Variants in ENO2 observed in about 807,000 individuals in gnomAD.
The protein encoded by ENO2 is gamma-enolase.
In ENO2, 19 loss-of-function variants were observed where a neutral mutation model predicts 48.7. The observed-to-expected ratio is 0.39, with a 90% CI of 0.27 to 0.57. The LOEUF (loss-of-function observed/expected upper bound fraction) is 0.57, where lower values mean the gene tolerates loss of function less well. Ranked by LOEUF, ENO2 falls within the 20% of genes least tolerant of loss-of-function variation. The pLI, the probability that ENO2 is intolerant of heterozygous loss-of-function variation, is 0.58. For synonymous variants in ENO2, 198 were observed against 213.4 expected, an observed-to-expected ratio of 0.93 and a Z score of 0.63; for missense variants, 416 against 555.0, an observed-to-expected ratio of 0.75 and a Z score of 2.52.
At chr12:6,917,767 A>C in intron 6 of ENO2, 53 bp downstream of exon 6, 1 of 1,570,024 alleles carries the variant, frequency 6.4e-7, no homozygotes, top group East Asian at 2.2e-5. Flanking sequence ...GGGAGGGAGC[A>C]TGCAACTCAT....
In ENO2 at chr12:6,921,676, A is replaced by G. The variant is rs781878070; in HGVS notation, c.961A>G (p.Thr321Ala). Residue 321 changes from threonine to alanine, a missense_variant, in exon 9 of 12, where the codon ACA becomes GCA. By Grantham distance (58) the Thr-to-Ala change is moderately conservative. Coordinates refer to ENST00000229277, the MANE Select transcript of ENO2 (RefSeq NM_001975.3). ...GATCCAGATTGTGGGTGATGACCTG[A>G]CAGTGACCAACCCAAAACGTATTGA... ...VGIQIVGDDL[T>A]VTNPKRIERA... 1.9e-6 allele frequency: 3 copies of G among 1,614,132 alleles called. No individual in the cohort carries two copies. The highest frequency in any genetic ancestry group is 2.5e-6 in the Non-Finnish European group (3 of 1,180,028).
intron 8 of ENO2, 35 bp downstream of exon 8, chr12:6,919,798 G>C (rs1156905025): frequency 6.2e-7 from 1 of 1,606,090 alleles, no homozygotes; most frequent in Non-Finnish European, 8.5e-7. Context: ...AGGTCTGGGG[G>C]CAGGCAGGGA....
chr12:6,917,781 G>A (rs1477100191), intron 6 of ENO2, 67 bp downstream of exon 6: 3 of 1,600,104 alleles, frequency 1.9e-6, no homozygotes, highest in Non-Finnish European at 2.6e-6. Flanking sequence ...AACTCATGAG[G>A]AATGATGGGA....
Position 6,922,552 on chromosome 12 carries a change from A to T in ENO2, c.1235+150A>T. 10 of 1,292,388 alleles carry T rather than the reference A, an allele frequency of 7.7e-6. No homozygotes were observed. Among genetic ancestry groups the T allele is most frequent in the Non-Finnish European group, 1.1e-5 (10 of 900,026 alleles). 80.1% of individuals were successfully genotyped at this position (1,292,388 alleles called of 1,614,324 possible). On this transcript the variant is annotated intron_variant, in intron 11 of 11. Transcript: ENST00000229277. This position sits in a 1 kb window ranked among gnomAD's most constrained non-coding sequence, Gnocchi z 5.3. ...ATATTGGTTTTTGCTTCCTGGGTTT[A>T]TTGATGGCCTGATTGACAAATCCCA...
At chr12:6,920,549 G>GCA (rs1945331352) in intron 8 of ENO2, among the ~76,000 whole-genome samples, 3 of 151,594 alleles carry the variant, frequency 2.0e-5, no homozygotes, top group South Asian at 2.1e-4. Context: ...ACAGGCATGT[G>GCA]CCACCATGCC....
Position 6,922,999 on chromosome 12 carries a change from T to C in ENO2, c.*199T>C, listed in dbSNP as rs956937360. On this transcript the variant is annotated 3_prime_UTR_variant, in exon 12 of 12. Coordinates refer to ENST00000229277, the MANE Select transcript of ENO2 (RefSeq NM_001975.3). This position sits in a 1 kb window ranked among gnomAD's most constrained non-coding sequence, Gnocchi z 5.3. ...CGCCCTCCTTTCTGTGCCCTACTCA[T>C]TGGGGTTCCGCACTTTCCACTTCTT... 6 of 582,374 alleles carry C rather than the reference T, an allele frequency of 1.0e-5. No homozygotes were observed. Among genetic ancestry groups the C allele is most frequent in the East Asian group, 8.6e-5 (3 of 34,952 alleles). The allele number at this position is 582,374 out of a possible 1,614,324, so 36.1% of individuals were successfully genotyped here.
chr12:6,918,905 C>T (rs1945316336), intron 7 of ENO2, among the ~76,000 whole-genome samples: 1 of 150,944 alleles, frequency 6.6e-6, no homozygotes, highest in Admixed American at 6.6e-5. Flanking sequence ...TCGCTTGTAC[C>T]CGGGAGGCGG....
chr12:6,915,602 A>C (rs1591650702), intron 1 of ENO2: 2 of 506,966 alleles, frequency 3.9e-6, no homozygotes, highest in Admixed American at 3.2e-5. Context: ...CACTGCAGTG[A>C]CCTCCCCTTC....
rs1945272876 is a variant in ENO2, at chr12:6,914,881, C to T, written c.-13+222C>T. ...TGCGCGCCTATCTCTAACTGCGCCT[C>T]TCCACCCTTGCCTGCCTCTCTCCCG... is the stretch of plus-strand genomic sequence containing the variant. On this transcript the variant is annotated intron_variant, in intron 1 of 11. Coordinates refer to ENST00000229277, the MANE Select transcript of ENO2 (RefSeq NM_001975.3). The surrounding 1 kb of genome is among the most constrained non-coding windows in gnomAD (Gnocchi z 7.1). Among the ~76,000 whole-genome samples the T allele has an allele frequency of 6.6e-6, 1 of 152,208 alleles. No homozygotes were observed. Among genetic ancestry groups the T allele is most frequent in the South Asian group, 2.1e-4 (1 of 4,830 alleles).
At chr12:6,918,722 C>T (rs1329865582) in intron 7 of ENO2, among the ~76,000 whole-genome samples, 1 of 150,888 alleles carries the variant, frequency 6.6e-6, no homozygotes, top group Non-Finnish European at 1.5e-5. Context: ...TGGCTCACAC[C>T]TGTAATCCCA....
rs1945349815 is a variant in ENO2, at chr12:6,922,511, AACAGTCCAACAGATAAT to A, written c.1235+111_1235+127del. On this transcript the variant is annotated intron_variant, in intron 11 of 11. Coordinates refer to ENST00000229277, the MANE Select transcript of ENO2 (RefSeq NM_001975.3). The surrounding 1 kb of genome is among the most constrained non-coding windows in gnomAD (Gnocchi z 5.3). Reference sequence around the variant, plus strand: ...CTGGATAACAGTCCATTTCCTGGATAACAGTCCAACAGATAATATTGGTTTTTGCTTCCTGGGTTTAT... The same window carrying A: ...CTGGATAACAGTCCATTTCCTGGATAATTGGTTTTTGCTTCCTGGGTTTAT... 3 of 1,425,996 alleles carry A rather than the reference AACAGTCCAACAGATAAT, an allele frequency of 2.1e-6. No individual in the cohort carries two copies. In the South Asian group the frequency reaches 3.5e-5, roughly 16 times the overall value. The allele number at this position is 1,425,996 out of a possible 1,614,324, so 88.3% of individuals were successfully genotyped here. A position where few individuals can be genotyped will look rare whatever the true frequency, so the allele number is the denominator to read the frequency against.
At position 6,922,828 on chromosome 12, in the gene ENO2, C is replaced by G; in HGVS notation, c.*28C>G. On this transcript the variant is annotated 3_prime_UTR_variant, in exon 12 of 12. Transcript: ENST00000229277. This position sits in a 1 kb window ranked among gnomAD's most constrained non-coding sequence, Gnocchi z 5.3. ...CCTCTGCTTGCCTGGAGACGTGGAA[C>G]CTCTGTCTCATCCTCCTGGAACCTT... The G allele has an allele frequency of 6.2e-7, 1 of 1,611,296 alleles. No individual in the cohort carries two copies. The highest frequency in any genetic ancestry group is 1.3e-5 in the African/African-American group (1 of 74,920).
intron 7 of ENO2, 113 bp downstream of exon 7, chr12:6,918,275 C>A: frequency 9.5e-7 from 1 of 1,057,174 alleles, no homozygotes; most frequent in Non-Finnish European, 1.4e-6. Context: ...TAGGACTCTG[C>A]AAACTCCAAA....
rs782710311 is a variant in ENO2, at chr12:6,919,783, G to T, written c.865+20G>T. On this transcript the variant is annotated intron_variant, in intron 8 of 11. Transcript: ENST00000229277. ...ATCCTGGTGAGAGGAAGTGGTGTGA[G>T]GGGGAGGTCTGGGGGCAGGCAGGGA... The T allele has an allele frequency of 1.9e-6, 3 of 1,610,756 alleles. No homozygotes were observed. The South Asian group carries it at 3.3e-5, about 18-fold the overall frequency.
intron 8 of ENO2, among the ~76,000 whole-genome samples, chr12:6,920,146 G>A (rs1437667060): frequency 1.3e-5 from 2 of 152,086 alleles, no homozygotes; most frequent in Non-Finnish European, 2.9e-5. Flanking sequence ...TGATGTGTGA[G>A]TAGAAAGAAG....
At chr12:6,918,705 G>C (rs1027569886) in intron 7 of ENO2, among the ~76,000 whole-genome samples, 3 of 151,152 alleles carry the variant, frequency 2.0e-5, no homozygotes, top group Non-Finnish European at 4.4e-5. Flanking sequence ...TGGAAGGCCG[G>C]GCGCGGTGGC....
Position 6,917,572 on chromosome 12 carries a change from A to T in ENO2, c.311-9A>T. On this transcript the variant is annotated splice_polypyrimidine_tract_variant and intron_variant, in intron 5 of 11. Transcript: ENST00000229277. ...ATTGTGCTCAGCACCTTCCTCTATAATCTCCTAGCCAAGTTTGGGGCCAAT... is the reference window on the plus strand; with the variant it reads ...ATTGTGCTCAGCACCTTCCTCTATATTCTCCTAGCCAAGTTTGGGGCCAAT... 1 of 1,610,940 alleles carries T rather than the reference A, an allele frequency of 6.2e-7. No homozygotes were observed. The highest frequency in any genetic ancestry group is 8.5e-7 in the Non-Finnish European group (1 of 1,178,350).
chr12:6,918,815 C>A (rs1555141872), intron 7 of ENO2, among the ~76,000 whole-genome samples: 1 of 151,220 alleles, frequency 6.6e-6, no homozygotes, highest in African/African-American at 2.4e-5. Context: ...AACCCCGTCT[C>A]TACTAAAAAT....
chr12:6,918,591 G>A (rs1353793819), intron 7 of ENO2, among the ~76,000 whole-genome samples: 1 of 150,808 alleles, frequency 6.6e-6, no homozygotes, highest in African/African-American at 2.4e-5. Context: ...GGCCCGCCTC[G>A]GCCTCCCAAA....
Sources: gnomAD v4.1 joint callset for allele counts (sites outside exome capture counted in the v4.1 genomes callset) on GRCh38, gnomAD v4.1.1 for gene constraint, Gnocchi (gnomAD v3.1) non-coding constraint, MANE v1.5 for transcripts, NCBI Gene and HGNC (gene_info 2026-07-23, HGNC 2026-07-21) for gene names.